Variants in RFTN2 observed in about 807,000 individuals in gnomAD.
The protein encoded by RFTN2 is raftlin-2.
RFTN2 carries 34 observed loss-of-function variants against 52.7 expected under a neutral mutation model. The observed-to-expected ratio is 0.64, with a 90% confidence interval of 0.49 to 0.86. The LOEUF (loss-of-function observed/expected upper bound fraction) is 0.86. Among genes scored for constraint, RFTN2 ranks in the 40% least tolerant of loss-of-function variants. The pLI is 0.00. For missense variants in RFTN2, 536 were observed against 600.1 expected (o/e 0.89, Z 1.12); for synonymous variants, 203 against 217.7 (o/e 0.93, Z 0.59).
At chr2:197,615,791 C>A in intron 7 of RFTN2, 85 bp downstream of exon 7, 2 of 730,604 alleles carry the variant, frequency 2.7e-6, no homozygotes, top group South Asian at 1.7e-5. Flanking sequence ...AGGCATTAAA[C>A]AAATATTTGT....
At chr2:197,600,778 T>G (rs2106192932) in intron 7 of RFTN2, among the ~76,000 whole-genome samples, 1 of 152,338 alleles carries the variant, frequency 6.6e-6, no homozygotes, top group East Asian at 1.9e-4. Context: ...AGTAAGTGAC[T>G]TAGTATCTTC....
At chr2:197,614,543 T>C (rs1431516610) in intron 7 of RFTN2, among the ~76,000 whole-genome samples, 6 of 152,218 alleles carry the variant, frequency 3.9e-5, no homozygotes, top group Middle Eastern at 3.2e-3. Context: ...CCTCTGCAGA[T>C]GGCAAAACTA....
intron 1 of RFTN2, among the ~76,000 whole-genome samples, chr2:197,662,387 G>A (rs1349348867): frequency 6.6e-6 from 1 of 152,158 alleles, no homozygotes. Context: ...CCTTTCCCCA[G>A]TGTATGCTCT....
chr2:197,640,054 G>A (rs1039766570), intron 3 of RFTN2, among the ~76,000 whole-genome samples: 3 of 152,220 alleles, frequency 2.0e-5, no homozygotes, highest in African/African-American at 7.2e-5. Flanking sequence ...GCTGCTCAGG[G>A]GTCAGGGGTC....
At chr2:197,657,534 A>G (rs941319649) in intron 1 of RFTN2, among the ~76,000 whole-genome samples, 3 of 152,186 alleles carry the variant, frequency 2.0e-5, no homozygotes, top group Non-Finnish European at 2.9e-5. Context: ...CCTTCTTCAC[A>G]TCTCTAAACT....
chr2:197,606,551 A>C (rs1167979312), intron 7 of RFTN2, among the ~76,000 whole-genome samples: 1 of 152,082 alleles, frequency 6.6e-6, no homozygotes, highest in African/African-American at 2.4e-5. Context: ...CAACCTACAA[A>C]ATGGGAGAAA....
At chr2:197,612,835 TA>T (rs567215606) in intron 7 of RFTN2, among the ~76,000 whole-genome samples, 572 of 152,272 alleles carry the variant, frequency 3.8e-3, no homozygotes, top group Non-Finnish European at 6.4e-3. Context: ...AAAAACAGCT[TA>T]TATATAGGCC....
rs2087314018 is a variant in RFTN2 at position 197,571,390 on chromosome 2, G to A, written c.*618C>T. 1 of 153,308 alleles carries A rather than the reference G, an allele frequency of 6.5e-6. No individual in the cohort carries two copies. The allele number at this position is 153,308 out of a possible 1,614,324, so 9.5% of individuals were successfully genotyped here. A position where few individuals can be genotyped will look rare whatever the true frequency, so the allele number is the denominator to read the frequency against. ...AACAACATTTATGTACAATGAATCA[G>A]TACAGGGTTGGTGACATGACCCTTT... On this transcript the variant is annotated 3_prime_UTR_variant, in exon 9 of 9. Coordinates refer to ENST00000295049, the MANE Select transcript of RFTN2 (RefSeq NM_144629.3).
rs1459490080 is a variant in RFTN2 at position 197,645,317 on chromosome 2, C to CTA, written c.324-1047_324-1046dup. Among the ~76,000 whole-genome samples the CTA allele has an allele frequency of 3.3e-5, 5 of 152,262 alleles. No homozygotes were observed. In the East Asian group the frequency reaches 9.6e-4, roughly 29 times the overall value. ...AGGTTTGGAGTCTCAGAGCAATGGGCTATACCATATAGCCTAGGTGTATAG... is the reference window on the plus strand; with the variant it reads ...AGGTTTGGAGTCTCAGAGCAATGGGCTATATACCATATAGCCTAGGTGTATAG... On this transcript the variant is annotated intron_variant, in intron 2 of 8. Transcript: ENST00000295049.
chr2:197,665,803 A>T (rs188945181), intron 1 of RFTN2, among the ~76,000 whole-genome samples: 1 of 151,216 alleles, frequency 6.6e-6, no homozygotes, highest in Non-Finnish European at 1.5e-5. Context: ...TGTTCCTATC[A>T]TATTGTTAAT....
At chr2:197,625,897 T>C (rs1031014280) in intron 5 of RFTN2, among the ~76,000 whole-genome samples, 2 of 151,670 alleles carry the variant, frequency 1.3e-5, no homozygotes, top group Non-Finnish European at 2.9e-5. Flanking sequence ...GTTCAAGAGA[T>C]TTTCCTGTCT....
rs559496789 is a variant in RFTN2, at chr2:197,663,831, T to C, written c.139+11489A>G. 1.6e-4 allele frequency among the ~76,000 whole-genome samples: 24 copies of C among 152,220 alleles called. No individual in the cohort carries two copies. In the South Asian group the frequency reaches 4.8e-3, roughly 30 times the overall value. On this transcript the variant is annotated intron_variant, in intron 1 of 8. Coordinates refer to ENST00000295049, the MANE Select transcript of RFTN2 (RefSeq NM_144629.3). Reference sequence around the variant, plus strand: ...GTTCTACTCTTTATTATTTTTTCCTTTTACTAATTTTGGGTTTGGTTTGTT... The same window carrying C: ...GTTCTACTCTTTATTATTTTTTCCTCTTACTAATTTTGGGTTTGGTTTGTT...
chr2:197,592,377 T>C (rs2087731688), intron 8 of RFTN2, among the ~76,000 whole-genome samples: 1 of 152,142 alleles, frequency 6.6e-6, no homozygotes, highest in South Asian at 2.1e-4. Context: ...GTATTTTTAG[T>C]AGAGAAGGGG....
At chr2:197,579,110 G>A (rs1439561996) in intron 8 of RFTN2, among the ~76,000 whole-genome samples, 1 of 152,122 alleles carries the variant, frequency 6.6e-6, no homozygotes, top group African/African-American at 2.4e-5. Context: ...TCACAGACTC[G>A]GGAAGACAGT....
chr2:197,644,289 A>T lies in RFTN2; in HGVS notation c.324-17T>A. On this transcript the variant is annotated splice_polypyrimidine_tract_variant and intron_variant, in intron 2 of 8. Coordinates refer to ENST00000295049, the MANE Select transcript of RFTN2 (RefSeq NM_144629.3). ...TTCTTTGGGCTGTAACAGAGGGAAT[A>T]TGTTTATGGTTGGAGGCCAATTGCT... 1 of 1,437,872 alleles carries T rather than the reference A, an allele frequency of 7.0e-7. No individual in the cohort carries two copies. 89.1% of individuals were successfully genotyped at this position (1,437,872 alleles called of 1,614,324 possible).
intron 7 of RFTN2, among the ~76,000 whole-genome samples, chr2:197,613,177 TACCA>T (rs2088091433): frequency 6.6e-6 from 1 of 152,218 alleles, no homozygotes; most frequent in Non-Finnish European, 1.5e-5. Context: ...CAGGCCAAGC[TACCA>T]TCCCTGAACA....
intron 3 of RFTN2, among the ~76,000 whole-genome samples, chr2:197,638,607 T>C (rs1321596554): frequency 4.9e-5 from 7 of 142,396 alleles, no homozygotes; most frequent in Admixed American, 2.9e-4. Flanking sequence ...TCTTCCTCCA[T>C]CCTTTTATTT....
intron 1 of RFTN2, among the ~76,000 whole-genome samples, chr2:197,662,014 T>G (rs2088983857): frequency 1.3e-5 from 2 of 152,224 alleles, no homozygotes; most frequent in Non-Finnish European, 2.9e-5. Context: ...GTGTTTGAGT[T>G]CCTTGTGTAT....
rs573235007 is a variant in RFTN2 at position 197,589,403 on chromosome 2, C to G, written c.1233+6588G>C. The stretch of plus-strand genomic sequence containing the variant: ...TTAAATCTCTTTCTTTTGTAAATTA[C>G]CCAGTCTCAGGTATGTCTTTATCAG... On this transcript the variant is annotated intron_variant, in intron 8 of 8. Coordinates refer to ENST00000295049, the MANE Select transcript of RFTN2 (RefSeq NM_144629.3). Among the ~76,000 whole-genome samples the G allele has an allele frequency of 2.0e-5, 3 of 152,090 alleles. No homozygotes were observed. In the East Asian group the frequency reaches 5.8e-4, roughly 29 times the overall value.
Sources: gnomAD v4.1 joint callset for allele counts (sites outside exome capture counted in the v4.1 genomes callset) on GRCh38, gnomAD v4.1.1 for gene constraint, MANE v1.5 for transcripts, NCBI Gene and HGNC (gene_info 2026-07-23, HGNC 2026-07-21) for gene names.